Variants in CDKN2AIPNL observed in about 807,000 individuals in gnomAD.
The protein encoded by CDKN2AIPNL is XRN2 binding domain containing 1, also known as CDKN2AIP N-terminal-like protein.
A neutral mutation model predicts 12.9 loss-of-function variants in CDKN2AIPNL; 9 were observed. That is an observed-to-expected ratio of 0.70 (90% CI 0.42 to 1.22). CDKN2AIPNL has a LOEUF of 1.22. Among genes scored for constraint, CDKN2AIPNL ranks in the 50% most tolerant of loss-of-function variants. The pLI is 0.00. For missense variants in CDKN2AIPNL, 143 were observed against 153.6 expected (o/e 0.93, Z 0.37); for synonymous variants, 53 against 61.7 (o/e 0.86, Z 0.66).
In CDKN2AIPNL at chr5:134,402,612, T is replaced by C. The variant is rs764657538; in HGVS notation, c.*303A>G. On this transcript the variant is annotated 3_prime_UTR_variant, in exon 3 of 3. Transcript: ENST00000458198. ...TCTGCCTGGGCGACAGAGTGAGACC[T>C]TGTCGATAAGAAAAAAAAAAACCTG... The C allele has an allele frequency of 7.3e-5, 19 of 261,178 alleles. No individual in the cohort carries two copies. The highest frequency in any genetic ancestry group is 1.1e-4 in the Non-Finnish European group (15 of 139,130). 16.2% of individuals were successfully genotyped at this position (261,178 alleles called of 1,614,324 possible). A position where few individuals can be genotyped will look rare whatever the true frequency, so the allele number is the denominator to read the frequency against.
chr5:134,407,256 A>ACACACAC (rs1759118693), intron 2 of CDKN2AIPNL, among the ~76,000 whole-genome samples: 1 of 139,610 alleles, frequency 7.2e-6, no homozygotes, highest in African/African-American at 2.7e-5. Context: ...GACCCTTCCT[A>ACACACAC]ACACACACAC....
chr5:134,406,833 G>A (rs62381374), intron 2 of CDKN2AIPNL, among the ~76,000 whole-genome samples: 5 of 152,218 alleles, frequency 3.3e-5, no homozygotes, highest in Admixed American at 2.6e-4. Flanking sequence ...GCAAGCCACT[G>A]CACTCCAGCC....
intron 1 of CDKN2AIPNL, chr5:134,410,905 C>G: frequency 1.5e-6 from 1 of 645,464 alleles, no homozygotes; most frequent in Non-Finnish European, 2.8e-6. Flanking sequence ...GATTTGCCAC[C>G]TTCCTCATGG....
chr5:134,411,346 T>G (rs1469666583), intron 1 of CDKN2AIPNL, among the ~76,000 whole-genome samples: 1 of 152,212 alleles, frequency 6.6e-6, no homozygotes, highest in Non-Finnish European at 1.5e-5. Context: ...ATAGCAACCT[T>G]TGAACCCGCC....
At chr5:134,410,580 C>T (rs1270950338) in intron 1 of CDKN2AIPNL, 1 of 169,030 alleles carries the variant, frequency 5.9e-6, no homozygotes, top group Non-Finnish European at 1.3e-5. Context: ...TTTTTAAATA[C>T]ATGGAATGTT....
chr5:134,410,006 C>T lies in CDKN2AIPNL; in HGVS notation c.240-4G>A. On this transcript the variant is annotated splice_region_variant and splice_polypyrimidine_tract_variant and intron_variant, in intron 1 of 2. Transcript: ENST00000458198. ...GTCTAAAAGGTCTTTATTGTAACTG[C>T]ACAATAAAAAGTAGTAAGGTAAAAA... 1 of 1,592,300 alleles carries T rather than the reference C, an allele frequency of 6.3e-7. No individual in the cohort carries two copies. Among genetic ancestry groups the T allele is most frequent in the Non-Finnish European group, 8.6e-7 (1 of 1,162,886 alleles).
Position 134,411,657 on chromosome 5 carries a change from G to A in CDKN2AIPNL, c.198C>T (p.Ser66=), listed in dbSNP as rs1759193360. ...DGSGRLDQLL[S]LSMVWANHLF... ...GATGGTTGGCCCAGACCATGGAGAG[G>A]GAGAGCAGCTGGTCCAGGCGGCCAC... is the stretch of plus-strand genomic sequence containing the variant. Residue 66 remains serine (S), a synonymous_variant, in exon 1 of 3, where the codon TCC becomes TCT. Coordinates refer to ENST00000458198, the MANE Select transcript of CDKN2AIPNL (RefSeq NM_080656.3). The A allele has an allele frequency of 1.2e-6, 2 of 1,613,018 alleles. No individual in the cohort carries two copies. Among genetic ancestry groups the A allele is most frequent in the South Asian group, 2.2e-5 (2 of 90,878 alleles).
intron 2 of CDKN2AIPNL, among the ~76,000 whole-genome samples, chr5:134,407,276 C>CACACACAT (rs1295841395): frequency 9.3e-5 from 14 of 151,182 alleles, no homozygotes; most frequent in African/African-American, 3.4e-4. Context: ...CACACACACA[C>CACACACAT]ACACACACAC....
At chr5:134,406,503 T>C (rs982559364) in intron 2 of CDKN2AIPNL, among the ~76,000 whole-genome samples, 3 of 152,188 alleles carry the variant, frequency 2.0e-5, no homozygotes, top group Non-Finnish European at 4.4e-5. Context: ...CATGGCTCTC[T>C]TTCCAGTGGC....
At position 134,411,678 on chromosome 5, in the gene CDKN2AIPNL, G is replaced by A; in HGVS notation, c.177C>T (p.Gly59=). ...PDYRDPPDGS[G]RLDQLLSLSM... ...AGAGGGAGAGCAGCTGGTCCAGGCG[G>A]CCACTGCCGTCGGGCGGGTCGCGGT... Residue 59 remains glycine (G), a synonymous_variant, in exon 1 of 3, where the codon GGC becomes GGT. Coordinates refer to ENST00000458198, the MANE Select transcript of CDKN2AIPNL (RefSeq NM_080656.3). The A allele has an allele frequency of 6.2e-7, 1 of 1,613,026 alleles. No individual in the cohort carries two copies. The highest frequency in any genetic ancestry group is 8.5e-7 in the Non-Finnish European group (1 of 1,179,764).
At chr5:134,410,937 T>G (rs1424750507) in intron 1 of CDKN2AIPNL, 2 of 692,136 alleles carry the variant, frequency 2.9e-6, no homozygotes, top group Non-Finnish European at 5.3e-6. Context: ...GAATGCCTTA[T>G]CAGGCACTTC....
intron 1 of CDKN2AIPNL, among the ~76,000 whole-genome samples, chr5:134,411,272 G>A (rs1039592917): frequency 6.6e-6 from 1 of 152,114 alleles, no homozygotes; most frequent in Non-Finnish European, 1.5e-5. Context: ...AGGGGCTAAC[G>A]GACTTCGAAT....
intron 1 of CDKN2AIPNL, 118 bp downstream of exon 1, chr5:134,411,498 T>G: frequency 1.2e-6 from 1 of 812,390 alleles, no homozygotes; most frequent in Non-Finnish European, 2.0e-6. Context: ...CCAATGCGGA[T>G]GGAGGTTGGG....
At chr5:134,407,755 C>G (rs1290056872) in intron 2 of CDKN2AIPNL, among the ~76,000 whole-genome samples, 2 of 118,906 alleles carry the variant, frequency 1.7e-5, no homozygotes, top group African/African-American at 6.5e-5. Context: ...GCAACAAGAG[C>G]AAAACTCCAT....
At chr5:134,405,504 C>T (rs1330128424) in intron 2 of CDKN2AIPNL, among the ~76,000 whole-genome samples, 1 of 151,894 alleles carries the variant, frequency 6.6e-6, no homozygotes, top group Non-Finnish European at 1.5e-5. Flanking sequence ...GCAACCTCCA[C>T]CTCCCGGGTT....
At chr5:134,409,196 T>C (rs1215730077) in intron 2 of CDKN2AIPNL, among the ~76,000 whole-genome samples, 1 of 152,212 alleles carries the variant, frequency 6.6e-6, no homozygotes, top group Non-Finnish European at 1.5e-5. Context: ...ACAACTGCTT[T>C]AAAAGAGCCC....
intron 2 of CDKN2AIPNL, among the ~76,000 whole-genome samples, chr5:134,406,183 A>G (rs1307990105): frequency 6.6e-6 from 1 of 152,248 alleles, no homozygotes; most frequent in Non-Finnish European, 1.5e-5. Flanking sequence ...AAAGCTGCAG[A>G]ATAGCCATAA....
At chr5:134,407,035 T>C (rs1435887881) in intron 2 of CDKN2AIPNL, among the ~76,000 whole-genome samples, 1 of 152,224 alleles carries the variant, frequency 6.6e-6, no homozygotes, top group African/African-American at 2.4e-5. Context: ...AAAAATGCTA[T>C]AGAAGTATGG....
chr5:134,407,291 ACACACAC>A (rs1207111035), intron 2 of CDKN2AIPNL, among the ~76,000 whole-genome samples: 1 of 150,968 alleles, frequency 6.6e-6, no homozygotes, highest in African/African-American at 2.4e-5. Flanking sequence ...ACACACACAC[ACACACAC>A]TTCACACTGG....
Sources: gnomAD v4.1 joint callset for allele counts (sites outside exome capture counted in the v4.1 genomes callset) on GRCh38, gnomAD v4.1.1 for gene constraint, MANE v1.5 for transcripts, NCBI Gene and HGNC (gene_info 2026-07-23, HGNC 2026-07-21) for gene names.